PIWIL1: variants seen among roughly 807,000 people sequenced by gnomAD.
The protein encoded by PIWIL1 is piwi-like protein 1.
Under a neutral mutation model 114.4 loss-of-function variants are expected in PIWIL1, and 73 were observed. The ratio of observed to expected loss-of-function variants is 0.64; its 90% confidence interval spans 0.53 to 0.78. The LOEUF (loss-of-function observed/expected upper bound fraction) is 0.78. PIWIL1 is among the 30% of genes least tolerant of loss of function. The pLI, the probability that PIWIL1 is intolerant of heterozygous loss-of-function variation, is 0.00. For synonymous variants in PIWIL1, 375 were observed against 369.0 expected (o/e 1.02, Z -0.19); for missense variants, 723 against 1,063.1 (o/e 0.68, Z 4.45).
chr12:130,365,234 G>A (rs1050307290), intron 18 of PIWIL1, among the ~76,000 whole-genome samples: 8 of 152,206 alleles, frequency 5.3e-5, no homozygotes, highest in African/African-American at 1.9e-4. Flanking sequence ...ACTGCACACT[G>A]TGAACTGTGG....
chr12:130,394,611 G>T, the PIWIL1 span, among the ~76,000 whole-genome samples: 3 of 151,606 alleles, frequency 2.0e-5, no homozygotes, highest in Non-Finnish European at 2.9e-5. Context: ...CCTCTACCTC[G>T]GGGCCACAGA....
chr12:130,395,032 G>A, the PIWIL1 span, among the ~76,000 whole-genome samples: 1 of 152,196 alleles, frequency 6.6e-6, no homozygotes, highest in East Asian at 1.9e-4. Context: ...GGGAGCAGCA[G>A]AGGCAAATGG....
chr12:130,402,636 A>G, the PIWIL1 span, among the ~76,000 whole-genome samples: 1 of 151,916 alleles, frequency 6.6e-6, no homozygotes, highest in Non-Finnish European at 1.5e-5. Context: ...CTCATTTCCC[A>G]CCATTTCTCT....
the PIWIL1 span, chr12:130,407,971 A>T: frequency 8.4e-6 from 6 of 711,628 alleles, no homozygotes; most frequent in Non-Finnish European, 1.5e-5. Context: ...GGGCACTCAC[A>T]TCAGCAAACG....
In PIWIL1 at chr12:130,361,303, G is replaced by C; in HGVS notation, c.1789G>C (p.Val597Leu). ...CCGAACCTTAGGCAAACAGCAAACT[G>C]TCATGGCCATTGCTACAAAGATTGC... The part of the protein sequence containing the change: ...VARTLGKQQT[V>L]MAIATKIALQ... The change falls in exon 15 of 21, where the codon GTC (valine) becomes CTC (leucine). Residue 597 changes from valine to leucine, a missense_variant. This residue lies in a region of PIWIL1 where 298 missense variants were observed against 420.8 expected (regional missense o/e 0.71). Transcript: ENST00000245255. 6.2e-7 allele frequency: 1 copy of C among 1,614,186 alleles called. No individual in the cohort carries two copies. The highest frequency in any genetic ancestry group is 8.5e-7 in the Non-Finnish European group (1 of 1,180,024).
the PIWIL1 span, chr12:130,414,559 G>T: frequency 3.1e-6 from 1 of 317,708 alleles, no homozygotes; most frequent in Non-Finnish European, 5.8e-6. Context: ...GGGCCTCGGG[G>T]GCCTCCTCAG....
chr12:130,385,015 A>G, the PIWIL1 span, among the ~76,000 whole-genome samples: 1 of 152,188 alleles, frequency 6.6e-6, no homozygotes, highest in South Asian at 2.1e-4. Context: ...CTTTTTCGGT[A>G]AAATTGCTGT....
At chr12:130,368,098 G>A (rs980068743) in intron 19 of PIWIL1, among the ~76,000 whole-genome samples, 6 of 152,106 alleles carry the variant, frequency 3.9e-5, no homozygotes, top group African/African-American at 9.7e-5. Context: ...ACGCCCAGCC[G>A]AAACTTGTTC....
intron 1 of PIWIL1, among the ~76,000 whole-genome samples, chr12:130,341,219 C>G: frequency 6.6e-6 from 1 of 152,206 alleles, no homozygotes; most frequent in East Asian, 1.9e-4. Flanking sequence ...TCCTCCACTC[C>G]CCTTGCCCCT....
At chr12:130,399,822 C>G in the PIWIL1 span, 1 of 1,613,824 alleles carries the variant, frequency 6.2e-7, no homozygotes, top group South Asian at 1.1e-5. Context: ...CCCTAAAACA[C>G]CAGGGGTGAG....
chr12:130,354,139 G>A (rs2073296022), intron 9 of PIWIL1, among the ~76,000 whole-genome samples: 2 of 152,084 alleles, frequency 1.3e-5, no homozygotes, highest in Non-Finnish European at 2.9e-5. Context: ...CGGTGAGACT[G>A]CTTTTATTAG....
chr12:130,369,766 T>G (rs139315659), intron 19 of PIWIL1, among the ~76,000 whole-genome samples: 12,101 of 152,228 alleles, frequency 0.079, 1,554 homozygotes, highest in African/African-American at 0.28. Context: ...CTTAAGTTCC[T>G]TGTAGATTCT....
chr12:130,359,580 G>A (rs1216460004), intron 14 of PIWIL1, among the ~76,000 whole-genome samples: 1 of 152,098 alleles, frequency 6.6e-6, no homozygotes, highest in African/African-American at 2.4e-5. Context: ...TTTTATTGGG[G>A]CCCTGCCTGA....
chr12:130,379,215 G>C, the PIWIL1 span, among the ~76,000 whole-genome samples: 1 of 152,138 alleles, frequency 6.6e-6, no homozygotes, highest in Non-Finnish European at 1.5e-5. Flanking sequence ...TTTGTACCTG[G>C]TACTGGTATC....
At chr12:130,377,318 C>T (rs1242592801), downstream of PIWIL1, among the ~76,000 whole-genome samples, 1 of 152,148 alleles carries the variant, frequency 6.6e-6, no homozygotes, top group African/African-American at 2.4e-5. Flanking sequence ...ATTTCCTGGG[C>T]ATGTTAAAGT....
At chr12:130,408,819 T>C in the PIWIL1 span, among the ~76,000 whole-genome samples, 1 of 152,180 alleles carries the variant, frequency 6.6e-6, no homozygotes, top group African/African-American at 2.4e-5. Context: ...AAGGCAAATA[T>C]CTCAACGGCA....
the PIWIL1 span, chr12:130,421,066 G>T: frequency 3.9e-5 from 6 of 152,178 alleles, no homozygotes; most frequent in South Asian, 8.4e-4. Flanking sequence ...TTGAACAGGG[G>T]GATTGGCCTT....
intron 14 of PIWIL1, among the ~76,000 whole-genome samples, chr12:130,359,306 G>A (rs1274098220): frequency 6.6e-6 from 1 of 152,166 alleles, no homozygotes. Context: ...CAAGAACTTG[G>A]AATTGTGGCC....
At chr12:130,399,018 T>C in the PIWIL1 span, 2 of 522,440 alleles carry the variant, frequency 3.8e-6, no homozygotes, top group African/African-American at 2.0e-5. Flanking sequence ...TCTTTTTTTT[T>C]TTTTAACCCC....
Sources: gnomAD v4.1 joint callset for allele counts (sites outside exome capture counted in the v4.1 genomes callset) on GRCh38, gnomAD v4.1.1 for gene constraint, gnomAD v4.1.1 regional missense constraint, MANE v1.5 for transcripts, NCBI Gene and HGNC (gene_info 2026-07-23, HGNC 2026-07-21) for gene names.